The following KDM2A variants were observed in gnomAD, a reference collection of about 807,000 sequenced individuals.
KDM2A encodes lysine-specific demethylase 2A.
In KDM2A, 3 loss-of-function variants were observed where a neutral mutation model predicts 137.3. That is an observed-to-expected ratio of 0.02 (90% CI 0.01 to 0.06). KDM2A has a LOEUF of 0.06. KDM2A is among the 10% of genes least tolerant of loss of function. The pLI is 1.00. For synonymous variants in KDM2A, 512 were observed against 541.5 expected, an observed-to-expected ratio of 0.95 and a Z score of 0.76; for missense variants, 738 against 1,510.6, an observed-to-expected ratio of 0.49 and a Z score of 8.48.
intron 2 of KDM2A, among the ~76,000 whole-genome samples, chr11:67,163,392 GTT>G (rs1565384184): frequency 6.6e-6 from 1 of 152,176 alleles, no homozygotes; most frequent in Non-Finnish European, 1.5e-5. Context: ...TCATAAAAGA[GTT>G]AATTCCAAAA....
chr11:67,228,904 C>T (rs969740553), intron 11 of KDM2A, among the ~76,000 whole-genome samples: 2 of 151,976 alleles, frequency 1.3e-5, no homozygotes, highest in Non-Finnish European at 2.9e-5. Context: ...TTCTTACTTT[C>T]TGTAGAGATG....
At chr11:67,130,053 C>A (rs2136282675) in intron 2 of KDM2A, among the ~76,000 whole-genome samples, 1 of 151,028 alleles carries the variant, frequency 6.6e-6, no homozygotes, top group African/African-American at 2.4e-5. Context: ...ACCTCCGCCT[C>A]CCGGGTTCAA....
chr11:67,167,997 A>G (rs2136322524), intron 2 of KDM2A, among the ~76,000 whole-genome samples: 2 of 152,348 alleles, frequency 1.3e-5, no homozygotes, highest in South Asian at 4.1e-4. Context: ...CTTGGGCCTA[A>G]GGCTTAGTCA....
chr11:67,187,548 TTTTATTTA>T (rs138753050), intron 5 of KDM2A, among the ~76,000 whole-genome samples: 11,000 of 147,490 alleles, frequency 0.075, 628 homozygotes, highest in African/African-American at 0.16. Context: ...ATTTAATTGA[TTTTATTTA>T]TTTATTTATT....
chr11:67,203,334 T>C (rs1857698903), intron 5 of KDM2A, among the ~76,000 whole-genome samples: 1 of 151,462 alleles, frequency 6.6e-6, no homozygotes, highest in African/African-American at 2.4e-5. Context: ...AGTTGCTTTA[T>C]TGCAATGATC....
At chr11:67,163,143 C>A (rs1856670191) in intron 2 of KDM2A, among the ~76,000 whole-genome samples, 1 of 152,214 alleles carries the variant, frequency 6.6e-6, no homozygotes, top group Non-Finnish European at 1.5e-5. Context: ...TGCATAACTT[C>A]ATTGCTACTC....
rs368761787 is a variant in KDM2A, at chr11:67,168,586, C to A, written c.43-11493C>A. Among the ~76,000 whole-genome samples the A allele has an allele frequency of 8.1e-5, 3 of 36,894 alleles. 1 individual carries two copies. The highest frequency in any genetic ancestry group is 5.0e-4 in the African/African-American group (3 of 5,944). 24.2% of individuals were successfully genotyped at this position (36,894 alleles called of 152,430 possible). A position where few individuals can be genotyped will look rare whatever the true frequency, so the allele number is the denominator to read the frequency against. On this transcript the variant is annotated intron_variant, in intron 2 of 20. Transcript: ENST00000529006. The stretch of plus-strand genomic sequence containing the variant: ...CACACAGTCTTGTATGAATTATACA[C>A]ACACACACACACACACACACACACA...
intron 6 of KDM2A, among the ~76,000 whole-genome samples, chr11:67,208,146 TA>T (rs149589450): frequency 0.081 from 12,272 of 152,076 alleles, 1,668 homozygotes; most frequent in African/African-American, 0.28. Context: ...TTTGTATTTT[TA>T]TAAAGATATA....
chr11:67,228,560 C>T (rs1024885606), intron 11 of KDM2A, among the ~76,000 whole-genome samples: 1 of 151,716 alleles, frequency 6.6e-6, no homozygotes, highest in African/African-American at 2.4e-5. Context: ...GGCATGGTGG[C>T]TCGAGTCCCA....
chr11:67,167,064 C>T (rs1412763345), intron 2 of KDM2A, among the ~76,000 whole-genome samples: 1 of 152,014 alleles, frequency 6.6e-6, no homozygotes, highest in Non-Finnish European at 1.5e-5. Flanking sequence ...GGCGACAGAG[C>T]GAGACTCTGC....
chr11:67,227,962 G>A, intron 10 of KDM2A, 75 bp from the exon 11 acceptor site: 3 of 1,464,974 alleles, frequency 2.0e-6, no homozygotes, highest in South Asian at 1.2e-5. Context: ...CTGGGTTAAT[G>A]ATTACAGTAA....
intron 1 of KDM2A, among the ~76,000 whole-genome samples, 175 bp downstream of exon 1, chr11:67,120,224 AG>A (rs1231152830): frequency 2.6e-4 from 40 of 152,328 alleles, no homozygotes; most frequent in Non-Finnish European, 4.3e-4. Flanking sequence ...CTCCATGCCC[AG>A]GCGGTCGTCG....
intron 2 of KDM2A, chr11:67,149,263 C>T (rs1359511295): frequency 2.0e-5 from 3 of 152,054 alleles, no homozygotes; most frequent in Non-Finnish European, 4.4e-5. Flanking sequence ...CAGGGTACTT[C>T]TTAACCTTTC....
At chr11:67,188,047 TA>T (rs1857251147) in intron 5 of KDM2A, among the ~76,000 whole-genome samples, 2 of 151,874 alleles carry the variant, frequency 1.3e-5, no homozygotes, top group East Asian at 3.9e-4. Context: ...ATAATAATAG[TA>T]ATTTTAAAAG....
At chr11:67,141,462 C>T (rs1045555634) in intron 2 of KDM2A, among the ~76,000 whole-genome samples, 2 of 151,466 alleles carry the variant, frequency 1.3e-5, no homozygotes, top group Admixed American at 6.6e-5. Flanking sequence ...GTCAGAAGAT[C>T]GAGACCATCC....
intron 7 of KDM2A, 135 bp downstream of exon 7, chr11:67,215,581 T>TA (rs1250600262): frequency 2.0e-5 from 13 of 662,066 alleles, no homozygotes; most frequent in Non-Finnish European, 2.9e-5. Flanking sequence ...GATGAGACTT[T>TA]ACAGTTCCAC....
intron 12 of KDM2A, 66 bp downstream of exon 12, chr11:67,232,026 A>T: frequency 6.7e-7 from 1 of 1,483,390 alleles, no homozygotes; most frequent in South Asian, 1.3e-5. Context: ...CCAGATTCAG[A>T]GGGAGAAAAT....
intron 19 of KDM2A, among the ~76,000 whole-genome samples, chr11:67,253,815 A>G (rs916296239): frequency 6.6e-6 from 1 of 152,236 alleles, no homozygotes; most frequent in African/African-American, 2.4e-5. Flanking sequence ...GAGTAAGTCC[A>G]TTTTGTGAGT....
intron 5 of KDM2A, among the ~76,000 whole-genome samples, chr11:67,199,340 G>A (rs930788517): frequency 3.1e-4 from 47 of 152,282 alleles, no homozygotes; most frequent in Non-Finnish European, 5.0e-4. Context: ...TCAAAAGTTA[G>A]AAATGATTAA....
Sources: gnomAD v4.1 joint callset for allele counts (sites outside exome capture counted in the v4.1 genomes callset) on GRCh38, gnomAD v4.1.1 for gene constraint, MANE v1.5 for transcripts, NCBI Gene and HGNC (gene_info 2026-07-23, HGNC 2026-07-21) for gene names.